PSD3: variants seen among roughly 807,000 people sequenced by gnomAD.
PSD3 encodes the protein PH and SEC7 domain-containing protein 3.
In PSD3, 49 loss-of-function variants were observed where a neutral mutation model predicts 105.5. The observed-to-expected ratio is 0.46, with a 90% CI of 0.37 to 0.59. PSD3 has a LOEUF of 0.59. Ranked by LOEUF, PSD3 falls within the 20% of genes least tolerant of loss-of-function variation. The probability of loss-of-function intolerance (pLI) is 0.00; values close to 1 mark genes in which losing one functional copy is unlikely to be tolerated. For missense variants in PSD3, 1,561 were observed against 1,263.8 expected, an observed-to-expected ratio of 1.24 and a Z score of -3.57; for synonymous variants, 557 against 457.8, an observed-to-expected ratio of 1.22 and a Z score of -2.77.
At chr8:18,549,473 G>A (rs1021670524) in intron 15 of PSD3, among the ~76,000 whole-genome samples, 14 of 152,166 alleles carry the variant, frequency 9.2e-5, no homozygotes, top group African/African-American at 3.4e-4. Flanking sequence ...CTCCCAAAGT[G>A]CTGGGATTAC....
At chr8:18,862,604 A>C (rs1050899796) in intron 4 of PSD3, among the ~76,000 whole-genome samples, 6 of 152,176 alleles carry the variant, frequency 3.9e-5, no homozygotes, top group African/African-American at 1.4e-4. Flanking sequence ...AGATCTCTCC[A>C]ATTTCACAAC....
At chr8:18,955,240 C>T (rs141847367) in intron 1 of PSD3, among the ~76,000 whole-genome samples, 1 of 152,168 alleles carries the variant, frequency 6.6e-6, no homozygotes, top group East Asian at 1.9e-4. Context: ...ATATACATGA[C>T]GTCTCTTTTG....
intron 2 of PSD3, among the ~76,000 whole-genome samples, chr8:18,928,557 A>T (rs1821523632): frequency 6.6e-6 from 1 of 152,214 alleles, no homozygotes; most frequent in Non-Finnish European, 1.5e-5. Flanking sequence ...CAGCAAAACT[A>T]GTCATAACAA....
At chr8:18,901,605 T>C (rs1586370495) in intron 2 of PSD3, among the ~76,000 whole-genome samples, 1 of 152,316 alleles carries the variant, frequency 6.6e-6, no homozygotes, top group East Asian at 1.9e-4. Context: ...CTCCTTTGTG[T>C]ATCTGCTCCA....
intron 1 of PSD3, among the ~76,000 whole-genome samples, chr8:18,948,517 G>T (rs1417392594): frequency 6.6e-6 from 1 of 152,160 alleles, no homozygotes; most frequent in Non-Finnish European, 1.5e-5. Flanking sequence ...ATGGAGGTGG[G>T]TCAGGTACTG....
Position 18,871,620 on chromosome 8 carries a change from G to C in PSD3, c.1238+6C>G, listed in dbSNP as rs764717476. 1.3e-6 allele frequency: 2 copies of C among 1,591,420 alleles called. No individual in the cohort carries two copies. Among genetic ancestry groups the C allele is most frequent in the South Asian group, 2.3e-5 (2 of 86,296 alleles). On this transcript the variant is annotated splice_donor_region_variant and intron_variant, in intron 3 of 15. Coordinates refer to ENST00000327040, the MANE Select transcript of PSD3 (RefSeq NM_015310.4). ...CTGAGACAGCAGGGCTACTATGGGA[G>C]CTCACCTTTCCCTGTCTCTCTCTGG...
intron 1 of PSD3, among the ~76,000 whole-genome samples, chr8:19,048,373 G>T (rs1448095907): frequency 1.3e-5 from 2 of 152,312 alleles, no homozygotes; most frequent in African/African-American, 4.8e-5. Context: ...CTGCACCTTT[G>T]AAAGTCAGAT....
chr8:18,879,051 A>AAACAC (rs1491203364), intron 2 of PSD3, among the ~76,000 whole-genome samples: 1 of 138,582 alleles, frequency 7.2e-6, no homozygotes, highest in Non-Finnish European at 1.6e-5. Flanking sequence ...CACACACACA[A>AAACAC]ACACACACAC....
At chr8:18,715,998 C>G (rs1373162588) in intron 9 of PSD3, among the ~76,000 whole-genome samples, 1 of 152,160 alleles carries the variant, frequency 6.6e-6, no homozygotes, top group Non-Finnish European at 1.5e-5. Flanking sequence ...TCAGGTTGCT[C>G]TGGGTGCTTT....
At chr8:18,947,215 G>T (rs76845606) in intron 1 of PSD3, among the ~76,000 whole-genome samples, 1 of 152,266 alleles carries the variant, frequency 6.6e-6, no homozygotes, top group East Asian at 1.9e-4. Context: ...TAGCTGAAAG[G>T]CCCCATCTTT....
At chr8:18,923,828 T>C (rs1447708731) in intron 2 of PSD3, among the ~76,000 whole-genome samples, 1 of 150,046 alleles carries the variant, frequency 6.7e-6, no homozygotes, top group Non-Finnish European at 1.5e-5. Flanking sequence ...AAAGCTGATT[T>C]GATCCTACTC....
chr8:18,559,398 G>C (rs1006734873), intron 14 of PSD3, among the ~76,000 whole-genome samples: 4 of 152,032 alleles, frequency 2.6e-5, no homozygotes, highest in Admixed American at 1.3e-4. Context: ...TAGGTTTACT[G>C]GGTTTCCTCT....
rs570243898 is a variant in PSD3, at chr8:18,651,415, A to G, written c.2216+4227T>C. On this transcript the variant is annotated intron_variant, in intron 10 of 15. Coordinates refer to ENST00000327040, the MANE Select transcript of PSD3 (RefSeq NM_015310.4). Reference sequence around the variant, plus strand: ...CCATGCATTATCCTACAAACTTTGTAGCATCACCACCTTTCCTGTAACTAT... The same window carrying G: ...CCATGCATTATCCTACAAACTTTGTGGCATCACCACCTTTCCTGTAACTAT... Among the ~76,000 whole-genome samples, 5 of 152,370 alleles carry G rather than the reference A, an allele frequency of 3.3e-5. 1 individual carries two copies. The highest frequency in any genetic ancestry group is 1.2e-4 in the African/African-American group (5 of 41,592).
At chr8:18,603,833 C>T (rs1223588519) in intron 11 of PSD3, among the ~76,000 whole-genome samples, 3 of 152,128 alleles carry the variant, frequency 2.0e-5, no homozygotes, top group Admixed American at 2.0e-4. Flanking sequence ...CATTTGAAGC[C>T]CTGTTCCCCC....
chr8:18,871,863 C>T lies in PSD3; in HGVS notation c.1001G>A (p.Ser334Asn), dbSNP rs373806977. The T allele has an allele frequency of 1.2e-6, 2 of 1,614,222 alleles. No individual in the cohort carries two copies. Among genetic ancestry groups the T allele is most frequent in the Non-Finnish European group, 1.7e-6 (2 of 1,180,036 alleles). Residue 334 changes from serine to asparagine, a missense_variant, in exon 3 of 16, where the codon AGC becomes AAC. Physicochemically the swap from Ser to Asn is conservative, Grantham distance 46. Transcript: ENST00000327040. ...GCGTGGCACTTTGGAAGACTCTTTG[C>T]TGTCAGGAGAGGCTGTTCTTTGCAG... is the stretch of plus-strand genomic sequence containing the variant. Reference protein sequence around the residue: ...TSLQRTASPDSKESSKVPRHL... With the variant: ...TSLQRTASPDNKESSKVPRHL...
chr8:19,021,463 A>G (rs1827358751), intron 1 of PSD3, among the ~76,000 whole-genome samples: 1 of 152,008 alleles, frequency 6.6e-6, no homozygotes, highest in Admixed American at 6.6e-5. Context: ...TGCATAAATA[A>G]TGACGTCTGG....
At chr8:18,561,979 T>C (rs1801418951) in intron 14 of PSD3, among the ~76,000 whole-genome samples, 1 of 152,118 alleles carries the variant, frequency 6.6e-6, no homozygotes, top group African/African-American at 2.4e-5. Context: ...ATAGTACTTA[T>C]CATGGAGAGA....
At chr8:18,966,530 C>T (rs1282329205) in intron 1 of PSD3, among the ~76,000 whole-genome samples, 1 of 150,926 alleles carries the variant, frequency 6.6e-6, no homozygotes, top group Non-Finnish European at 1.5e-5. Context: ...GAGATTGCAC[C>T]ACTGAACTCC....
At chr8:18,809,959 T>G (rs111337977) in intron 4 of PSD3, among the ~76,000 whole-genome samples, 1 of 152,222 alleles carries the variant, frequency 6.6e-6, no homozygotes, top group Admixed American at 6.5e-5. Flanking sequence ...GTAGCCACTT[T>G]ACACAAATCC....
Sources: allele counts gnomAD v4.1 joint callset (sites outside exome capture counted in the v4.1 genomes callset), GRCh38; gene constraint gnomAD v4.1.1; transcripts MANE v1.5; gene names NCBI Gene and HGNC (gene_info 2026-07-23, HGNC 2026-07-21).